Variants in STRIP2 observed in about 807,000 individuals in gnomAD.
STRIP2 encodes striatin interacting protein 2, also known as striatin-interacting protein 2.
Under a neutral mutation model 107.1 loss-of-function variants are expected in STRIP2, and 84 were observed. The ratio of observed to expected loss-of-function variants is 0.78; its 90% confidence interval spans 0.66 to 0.94. The LOEUF is 0.94. Among genes scored for constraint, STRIP2 ranks in the 40% least tolerant of loss-of-function variants. The pLI is 0.00. For synonymous variants in STRIP2, 394 were observed against 400.4 expected, an observed-to-expected ratio of 0.98 and a Z score of 0.19; for missense variants, 888 against 1,034.2, an observed-to-expected ratio of 0.86 and a Z score of 1.94.
chr7:129,476,876 C>T (rs1271826598), intron 18 of STRIP2, among the ~76,000 whole-genome samples: 3 of 151,964 alleles, frequency 2.0e-5, no homozygotes, highest in African/African-American at 7.2e-5. Context: ...GCACTCCAGC[C>T]TGGGCAACAT....
intron 1 of STRIP2, 106 bp downstream of exon 1, chr7:129,434,707 C>T: frequency 7.8e-7 from 1 of 1,286,930 alleles, no homozygotes; most frequent in African/African-American, 1.6e-5. Context: ...CGCGCTCGAT[C>T]AGCCCCGCGC....
intron 18 of STRIP2, among the ~76,000 whole-genome samples, chr7:129,473,832 C>T (rs902565785): frequency 6.6e-6 from 1 of 152,126 alleles, no homozygotes; most frequent in African/African-American, 2.4e-5. Flanking sequence ...ATTCTTCTGC[C>T]TCAGCCTTCC....
chr7:129,461,644 G>T lies in STRIP2; in HGVS notation c.1476+1272G>T, dbSNP rs1327263246. On this transcript the variant is annotated intron_variant, in intron 13 of 20. Transcript: ENST00000249344. The surrounding 1 kb of genome is among the most constrained non-coding windows in gnomAD (Gnocchi z 4.0). ...ATGGTAAGAACCAAGGTGCCCATTGGATTTGGCAACATGAAGATAGTGACC... is the reference window on the plus strand; with the variant it reads ...ATGGTAAGAACCAAGGTGCCCATTGTATTTGGCAACATGAAGATAGTGACC... Among the ~76,000 whole-genome samples, 7 of 152,192 alleles carry T rather than the reference G, an allele frequency of 4.6e-5. No individual in the cohort carries two copies. The highest frequency in any genetic ancestry group is 1.0e-4 in the Non-Finnish European group (7 of 68,042).
chr7:129,476,157 C>T (rs1402069509), intron 18 of STRIP2, among the ~76,000 whole-genome samples: 1 of 62,340 alleles, frequency 1.6e-5, no homozygotes, highest in Non-Finnish European at 3.9e-5. Flanking sequence ...AGGTGCCCCC[C>T]TCCTCCCGGA....
At chr7:129,459,683 T>C (rs1348038778) in intron 12 of STRIP2, 103 bp downstream of exon 12, 3 of 902,528 alleles carry the variant, frequency 3.3e-6, no homozygotes, top group Admixed American at 4.1e-5. Context: ...CCAGACTCTT[T>C]CTGGACCTTC....
intron 1 of STRIP2, among the ~76,000 whole-genome samples, chr7:129,438,698 A>G (rs1211506937): frequency 6.6e-6 from 1 of 152,188 alleles, no homozygotes; most frequent in Non-Finnish European, 1.5e-5. Context: ...GACACCAGCC[A>G]TAGGTGGGAT....
At chr7:129,485,241 AG>A (rs544886167) in intron 20 of STRIP2, among the ~76,000 whole-genome samples, 2 of 152,298 alleles carry the variant, frequency 1.3e-5, no homozygotes, top group South Asian at 2.1e-4. Context: ...AAAGCTAATA[AG>A]AAAGTGAAAT....
At chr7:129,438,400 G>T (rs1359704222) in intron 1 of STRIP2, among the ~76,000 whole-genome samples, 1 of 152,176 alleles carries the variant, frequency 6.6e-6, no homozygotes, top group African/African-American at 2.4e-5. Context: ...TGAGAAGAAT[G>T]CCTTTATAGT....
rs139413732 is a variant in STRIP2 at position 129,470,694 on chromosome 7, G to A, written c.1923G>A (p.Pro641=). The part of the protein sequence containing the change: ...DYPCCTIQDL[P]ELTTESLEAG... ...CTTGCTGTACCATCCAGGATTTGCC[G>A]GAGCTTACTACTGAAAGTCTGGTAA... Residue 641 remains proline, a synonymous_variant, in exon 18 of 21, where the codon CCG becomes CCA. Coordinates refer to ENST00000249344, the MANE Select transcript of STRIP2 (RefSeq NM_020704.3). 77 of 1,613,896 alleles carry A rather than the reference G, an allele frequency of 4.8e-5. No individual in the cohort carries two copies. Among genetic ancestry groups the A allele is most frequent in the South Asian group, 6.6e-5 (6 of 91,060 alleles).
chr7:129,451,709 G>C lies in STRIP2; in HGVS notation c.371G>C (p.Arg124Pro). Residue 124 changes from arginine to proline, a missense_variant, in exon 4 of 21, where the codon CGG (arginine) becomes CCG (proline). Transcript: ENST00000249344. Reference protein sequence around the residue: ...DRLEVVSRERRLKVARAVLYL... With the variant: ...DRLEVVSRERPLKVARAVLYL... Reference sequence around the variant, plus strand: ...CTAGAGGTGGTCAGTAGGGAACGGCGGCTGAAGGTGGCCCGGGCTGTTCTC... The same window carrying C: ...CTAGAGGTGGTCAGTAGGGAACGGCCGCTGAAGGTGGCCCGGGCTGTTCTC... The C allele has an allele frequency of 6.2e-7, 1 of 1,614,000 alleles. No homozygotes were observed. Among genetic ancestry groups the C allele is most frequent in the Non-Finnish European group, 8.5e-7 (1 of 1,180,026 alleles).
At chr7:129,455,846 C>G (rs912564327) in intron 8 of STRIP2, among the ~76,000 whole-genome samples, 1 of 152,044 alleles carries the variant, frequency 6.6e-6, no homozygotes. Flanking sequence ...GTTGCCTGGG[C>G]TGGTCTTGAA....
chr7:129,485,934 G>T lies in STRIP2; in HGVS notation c.*105G>T. On this transcript the variant is annotated 3_prime_UTR_variant, in exon 21 of 21. Transcript: ENST00000249344. Reference sequence around the variant, plus strand: ...GCTGTTACCAGTTCAGGGCTCTTCTGGGGGCTCTTGGGCCTAAAGATGGTG... The same window carrying T: ...GCTGTTACCAGTTCAGGGCTCTTCTTGGGGCTCTTGGGCCTAAAGATGGTG... The T allele has an allele frequency of 7.7e-7, 1 of 1,294,622 alleles. No homozygotes were observed. The highest frequency in any genetic ancestry group is 1.5e-5 in the African/African-American group (1 of 68,360). 80.2% of individuals were successfully genotyped at this position (1,294,622 alleles called of 1,614,324 possible).
chr7:129,444,535 C>T lies in STRIP2; in HGVS notation c.274+437C>T, dbSNP rs142407270. Among the ~76,000 whole-genome samples the T allele has an allele frequency of 5.4e-3, 819 of 152,280 alleles. 11 individuals carry two copies. The highest frequency in any genetic ancestry group is 0.019 in the African/African-American group (784 of 41,548). On this transcript the variant is annotated intron_variant, in intron 3 of 20. Coordinates refer to ENST00000249344, the MANE Select transcript of STRIP2 (RefSeq NM_020704.3). Reference sequence around the variant, plus strand: ...TAAGGGTGGATCTGCCTTCCCCAGCCGGCTGACTCAAATGTTAATCTCTTC... The same window carrying T: ...TAAGGGTGGATCTGCCTTCCCCAGCTGGCTGACTCAAATGTTAATCTCTTC...
At chr7:129,476,395 GCGGAGGGGC>G in intron 18 of STRIP2, among the ~76,000 whole-genome samples, 2 of 147,516 alleles carry the variant, frequency 1.4e-5, no homozygotes, top group African/African-American at 5.0e-5. Context: ...CGGCTGCCGG[GCGGAGGGGC>G]TCCTCACTTC....
intron 1 of STRIP2, among the ~76,000 whole-genome samples, chr7:129,439,124 A>G (rs1797829657): frequency 6.6e-6 from 1 of 152,088 alleles, no homozygotes; most frequent in African/African-American, 2.4e-5. Flanking sequence ...AAACCCTCTA[A>G]TCATGTGCTC....
At chr7:129,451,861 A>C in intron 4 of STRIP2, 114 bp downstream of exon 4, 1 of 1,292,682 alleles carries the variant, frequency 7.7e-7, no homozygotes, top group East Asian at 2.3e-5. Flanking sequence ...CTTGCCTCTC[A>C]AGGACAGATC....
chr7:129,460,402 G>C, intron 13 of STRIP2, 30 bp downstream of exon 13: 1 of 1,593,964 alleles, frequency 6.3e-7, no homozygotes. Context: ...CACAGGAGGA[G>C]AGTAGAAGAA....
chr7:129,440,159 T>G, intron 2 of STRIP2, 68 bp downstream of exon 2: 1 of 1,365,784 alleles, frequency 7.3e-7, no homozygotes, highest in East Asian at 2.3e-5. Context: ...GCCTGTGATC[T>G]CCCTGGAAGC....
At chr7:129,468,855 G>A (rs181769680) in intron 17 of STRIP2, among the ~76,000 whole-genome samples, 1 of 152,330 alleles carries the variant, frequency 6.6e-6, no homozygotes, top group East Asian at 1.9e-4. Context: ...GGACCTCAGG[G>A]TTGGCCTGTA....
Sources: gnomAD v4.1 joint callset for allele counts (sites outside exome capture counted in the v4.1 genomes callset) on GRCh38, gnomAD v4.1.1 for gene constraint, Gnocchi (gnomAD v3.1) non-coding constraint, MANE v1.5 for transcripts, NCBI Gene and HGNC (gene_info 2026-07-23, HGNC 2026-07-21) for gene names.